Variants in CNOT1 observed in about 807,000 individuals in gnomAD.
CNOT1 encodes the protein CCR4-NOT transcription complex subunit 1, also known as CCR4-associated factor 1.
CNOT1 carries 15 observed loss-of-function variants against 273.8 expected under a neutral mutation model. That is an observed-to-expected ratio of 0.05 (90% CI 0.04 to 0.08). The LOEUF is 0.08. Among genes scored for constraint, CNOT1 ranks in the 10% least tolerant of loss-of-function variants. CNOT1 has a pLI of 1.00. For synonymous variants in CNOT1, 1,022 were observed against 1,005.5 expected (o/e 1.02, Z -0.31); for missense variants, 1,644 against 2,912.2 (o/e 0.56, Z 10.02).
chr16:58,523,263 C>A (rs575199517), intron 47 of CNOT1, 107 bp downstream of exon 47: 423 of 1,233,248 alleles, frequency 3.4e-4, no homozygotes, highest in Admixed American at 9.0e-4. Flanking sequence ...AAAAAAAAAA[C>A]CAACCAAACG....
At chr16:58,545,319 T>A (rs767331746) in intron 30 of CNOT1, 42 bp downstream of exon 30, 2 of 1,602,128 alleles carry the variant, frequency 1.2e-6, no homozygotes, top group East Asian at 4.5e-5. Flanking sequence ...ATTTACCTTA[T>A]CACAAACTAG....
Position 58,547,780 on chromosome 16 carries a change from G to A in CNOT1, c.3523-98C>T, listed in dbSNP as rs1477210636. 5.1e-6 allele frequency: 6 copies of A among 1,187,574 alleles called. No individual in the cohort carries two copies. The highest frequency in any genetic ancestry group is 6.9e-6 in the Non-Finnish European group (6 of 871,042). 73.6% of individuals were successfully genotyped at this position (1,187,574 alleles called of 1,614,324 possible). On this transcript the variant is annotated intron_variant, in intron 25 of 48. Coordinates refer to ENST00000317147, the MANE Select transcript of CNOT1 (RefSeq NM_016284.5). The surrounding 1 kb of genome is among the most constrained non-coding windows in gnomAD (Gnocchi z 4.0). ...TTCCATTATCCTATCCTAAAGACAA[G>A]TCATCATTTCTAAGAACAGGCCCCA...
At chr16:58,613,655 T>A (rs1160057789) in intron 1 of CNOT1, among the ~76,000 whole-genome samples, 2 of 123,618 alleles carry the variant, frequency 1.6e-5, no homozygotes, top group Admixed American at 8.0e-5. Flanking sequence ...ATAATAGAAA[T>A]TATCTATTGA....
At chr16:58,615,717 A>G (rs2043050556) in intron 1 of CNOT1, among the ~76,000 whole-genome samples, 1 of 125,384 alleles carries the variant, frequency 8.0e-6, no homozygotes, top group Non-Finnish European at 1.9e-5. Flanking sequence ...GATGATGGGA[A>G]ATACCAAGAA....
intron 1 of CNOT1, among the ~76,000 whole-genome samples, chr16:58,601,921 T>C (rs1321088758): frequency 6.6e-6 from 1 of 151,688 alleles, no homozygotes; most frequent in Non-Finnish European, 1.5e-5. Flanking sequence ...AAAAAGATGA[T>C]GGATACACTT....
At chr16:58,613,089 T>C (rs1213902377) in intron 1 of CNOT1, among the ~76,000 whole-genome samples, 2 of 152,130 alleles carry the variant, frequency 1.3e-5, no homozygotes, top group African/African-American at 2.4e-5. Flanking sequence ...TGGAGTGCAG[T>C]GGCATGACCT....
In CNOT1 at chr16:58,583,302, CAGTA is replaced by C. The variant is rs1226211685; in HGVS notation, c.807-124_807-121del. ...GTTTTACTAAATAAAACAGGCAGAGCAGTAAGTGTTATTTCTTGTTACATTTATA... is the reference window on the plus strand; with the variant it reads ...GTTTTACTAAATAAAACAGGCAGAGCAGTGTTATTTCTTGTTACATTTATA... On this transcript the variant is annotated intron_variant, in intron 8 of 48. Transcript: ENST00000317147. 15 of 1,485,758 alleles carry C rather than the reference CAGTA, an allele frequency of 1.0e-5. No individual in the cohort carries two copies. In the Admixed American group the frequency reaches 2.7e-4, roughly 26 times the overall value. 92.0% of individuals were successfully genotyped at this position (1,485,758 alleles called of 1,614,324 possible). A position where few individuals can be genotyped will look rare whatever the true frequency, so the allele number is the denominator to read the frequency against.
chr16:58,613,488 T>G (rs1479287336), intron 1 of CNOT1, among the ~76,000 whole-genome samples: 1 of 125,326 alleles, frequency 8.0e-6, no homozygotes, highest in Admixed American at 7.9e-5. Context: ...CTGCACTGAA[T>G]ACTTAGGAGT....
intron 47 of CNOT1, among the ~76,000 whole-genome samples, chr16:58,522,349 C>T (rs111348048): frequency 5.3e-5 from 8 of 151,396 alleles, no homozygotes; most frequent in African/African-American, 1.9e-4. Flanking sequence ...TATCCTTTCA[C>T]GTACCAACTG....
At chr16:58,602,672 A>C (rs914859124) in intron 1 of CNOT1, among the ~76,000 whole-genome samples, 1 of 151,172 alleles carries the variant, frequency 6.6e-6, no homozygotes, top group African/African-American at 2.4e-5. Context: ...TGGAGGTTGT[A>C]GTGAGCTGAG....
intron 9 of CNOT1, 71 bp from the exon 10 acceptor site, chr16:58,582,974 C>T: frequency 6.2e-7 from 1 of 1,609,688 alleles, no homozygotes; most frequent in Non-Finnish European, 8.5e-7. Context: ...ATAGAACAAT[C>T]AATCATACTG....
chr16:58,599,317 C>G lies in CNOT1; in HGVS notation c.21G>C (p.Ser7=). The G allele has an allele frequency of 6.2e-7, 1 of 1,614,162 alleles. No homozygotes were observed. Among genetic ancestry groups the G allele is most frequent in the Non-Finnish European group, 8.5e-7 (1 of 1,180,036 alleles). MNLDSL[S]LALSQISYLV... ...GGTAGCTGATTTGAGACAAGGCCAG[C>G]GAGAGCGAGTCAAGATTCATTGCTG... Residue 7 remains serine, a synonymous_variant, in exon 2 of 49, where the codon TCG becomes TCC. Coordinates refer to ENST00000317147, the MANE Select transcript of CNOT1 (RefSeq NM_016284.5).
At chr16:58,626,768 A>G (rs1476661489) in intron 1 of CNOT1, among the ~76,000 whole-genome samples, 1 of 152,030 alleles carries the variant, frequency 6.6e-6, no homozygotes, top group Non-Finnish European at 1.5e-5. Context: ...TCAAAAAAAA[A>G]AAGGCAGACT....
chr16:58,546,266 T>C, intron 29 of CNOT1, 55 bp downstream of exon 29: 1 of 1,453,858 alleles, frequency 6.9e-7, no homozygotes, highest in South Asian at 1.2e-5. Flanking sequence ...ACAAGTACCA[T>C]TTAAGATAGT....
At chr16:58,581,271 A>G (rs763979055) in intron 11 of CNOT1, 74 bp downstream of exon 11, 6 of 1,469,592 alleles carry the variant, frequency 4.1e-6, no homozygotes, top group Admixed American at 4.7e-5. Flanking sequence ...ATTTCGATCA[A>G]TGGGTAGATG....
At chr16:58,583,918 C>T (rs2041744314) in intron 8 of CNOT1, among the ~76,000 whole-genome samples, 1 of 151,690 alleles carries the variant, frequency 6.6e-6, no homozygotes, top group South Asian at 2.1e-4. Context: ...CCTGTAATCC[C>T]AGCACTTTGG....
chr16:58,600,545 T>C (rs1458655033), intron 1 of CNOT1, among the ~76,000 whole-genome samples: 2 of 152,208 alleles, frequency 1.3e-5, no homozygotes, highest in Non-Finnish European at 2.9e-5. Context: ...TATAAGACAC[T>C]ATGTATTCAC....
chr16:58,625,085 C>CA (rs1310528367), intron 1 of CNOT1, among the ~76,000 whole-genome samples: 2 of 151,854 alleles, frequency 1.3e-5, no homozygotes, highest in East Asian at 1.9e-4. Context: ...TCACCTCTAC[C>CA]AAAAAAATAC....
At chr16:58,545,528 C>T in intron 29 of CNOT1, 37 bp from the exon 30 acceptor site, 1 of 1,609,494 alleles carries the variant, frequency 6.2e-7, no homozygotes, top group Non-Finnish European at 8.5e-7. Flanking sequence ...TTAAAAAGTA[C>T]ATTTGTTGAC....
Sources: gnomAD v4.1 joint callset for allele counts (sites outside exome capture counted in the v4.1 genomes callset) on GRCh38, gnomAD v4.1.1 for gene constraint, Gnocchi (gnomAD v3.1) non-coding constraint, MANE v1.5 for transcripts, NCBI Gene and HGNC (gene_info 2026-07-23, HGNC 2026-07-21) for gene names.